Variants in SLC30A9 observed in about 807,000 individuals in gnomAD.
The protein encoded by SLC30A9 is proton-coupled zinc antiporter SLC30A9, mitochondrial.
SLC30A9 carries 58 observed loss-of-function variants against 87.5 expected under a neutral mutation model. That is an observed-to-expected ratio of 0.66 (90% confidence interval 0.54 to 0.82). The LOEUF (loss-of-function observed/expected upper bound fraction) is 0.82, where lower values mean the gene tolerates loss of function less well. SLC30A9 is among the 40% of genes least tolerant of loss of function. SLC30A9 has a pLI of 0.00. For missense variants in SLC30A9, 557 were observed against 679.1 expected (o/e 0.82, Z 2.00); for synonymous variants, 234 against 233.0 (o/e 1.00, Z -0.04).
At chr4:41,995,999 T>C (rs763285290) in intron 1 of SLC30A9, among the ~76,000 whole-genome samples, 8 of 151,980 alleles carry the variant, frequency 5.3e-5, no homozygotes, top group Non-Finnish European at 1.2e-4. Context: ...TGTGAGCCAC[T>C]GCGCCTGGCC....
Position 42,086,127 on chromosome 4 carries a change from GTT to G in SLC30A9, c.*3_*4del. 1 of 1,514,950 alleles carries G rather than the reference GTT, an allele frequency of 6.6e-7. No individual in the cohort carries two copies. The highest frequency in any genetic ancestry group is 9.0e-7 in the Non-Finnish European group (1 of 1,117,276). The allele number at this position is 1,514,950 out of a possible 1,614,324, so 93.8% of individuals were successfully genotyped here. A position where few individuals can be genotyped will look rare whatever the true frequency, so the allele number is the denominator to read the frequency against. On this transcript the variant is annotated 3_prime_UTR_variant, in exon 18 of 18. Transcript: ENST00000264451. ...ACATGTAGATTTGGAGATACTGTGA[GTT>G]TGATGGAATGAATCACCTGGGTGGG...
In SLC30A9 at chr4:42,070,567, A is replaced by G. The variant is rs1290373466; in HGVS notation, c.1294A>G (p.Thr432Ala). Reference protein sequence around the residue: ...YDSLGSLGVGTLLGMVSAFLI... With the variant: ...YDSLGSLGVGALLGMVSAFLI... ...CAGCCTAGGTTCTTTGGGTGTGGGC[A>G]CCTTATTAGGCATGGTCTCAGCATT... Residue 432 changes from threonine to alanine, a missense_variant, in exon 15 of 18, where the codon ACC becomes GCC. Coordinates refer to ENST00000264451, the MANE Select transcript of SLC30A9 (RefSeq NM_006345.4). 3 of 1,613,712 alleles carry G rather than the reference A, an allele frequency of 1.9e-6. No homozygotes were observed. The highest frequency in any genetic ancestry group is 2.5e-6 in the Non-Finnish European group (3 of 1,179,880).
At chr4:42,041,958 C>T (rs946572875) in intron 8 of SLC30A9, among the ~76,000 whole-genome samples, 8 of 152,076 alleles carry the variant, frequency 5.3e-5, no homozygotes, top group East Asian at 1.9e-4. Context: ...TGCAAGGGGT[C>T]GGGGAACTCC....
chr4:42,020,287 G>A (rs772528571), intron 3 of SLC30A9, 129 bp from the exon 4 acceptor site: 18 of 544,106 alleles, frequency 3.3e-5, no homozygotes, highest in Non-Finnish European at 5.5e-5. Context: ...TTTCTCTGAT[G>A]TCATTCAGTG....
chr4:42,067,645 C>T (rs774667164), intron 14 of SLC30A9, among the ~76,000 whole-genome samples: 3 of 152,100 alleles, frequency 2.0e-5, no homozygotes, highest in Non-Finnish European at 2.9e-5. Flanking sequence ...AACATTGTTG[C>T]GAAAAATATC....
rs1388667781 is a variant in SLC30A9, at chr4:42,029,166, C to T, written c.610+5782C>T. 8.2e-6 allele frequency: 3 copies of T among 365,486 alleles called. No individual in the cohort carries two copies. The East Asian group carries it at 2.1e-4, about 26-fold the overall frequency. The allele number at this position is 365,486 out of a possible 1,614,324, so 22.6% of individuals were successfully genotyped here. A position where few individuals can be genotyped will look rare whatever the true frequency, so the allele number is the denominator to read the frequency against. ...AGAACACGAGGGCGTGCCCCGAAGC[C>T]ACCCACCCTTCCGACTGCGGCAGCT... On this transcript the variant is annotated intron_variant, in intron 6 of 17. Transcript: ENST00000264451.
chr4:42,074,712 C>T (rs534917976), intron 15 of SLC30A9, among the ~76,000 whole-genome samples: 1 of 152,084 alleles, frequency 6.6e-6, no homozygotes, highest in South Asian at 2.1e-4. Flanking sequence ...TTATGAAAGC[C>T]ATCCATTAAA....
chr4:42,049,490 A>C lies in SLC30A9; in HGVS notation c.840+11A>C. On this transcript the variant is annotated intron_variant, in intron 9 of 17. Coordinates refer to ENST00000264451, the MANE Select transcript of SLC30A9 (RefSeq NM_006345.4). ...GATACTTGTAATCAGGTGAGGACTA[A>C]AGCTTTTTTTATAAGTCAATTTTAA... 1 of 1,416,122 alleles carries C rather than the reference A, an allele frequency of 7.1e-7. No individual in the cohort carries two copies. Among genetic ancestry groups the C allele is most frequent in the Middle Eastern group, 1.9e-4 (1 of 5,238 alleles). The allele number at this position is 1,416,122 out of a possible 1,614,324, so 87.7% of individuals were successfully genotyped here. A position where few individuals can be genotyped will look rare whatever the true frequency, so the allele number is the denominator to read the frequency against.
intron 6 of SLC30A9, chr4:42,030,089 G>C (rs1716359411): frequency 1.1e-6 from 1 of 874,656 alleles, no homozygotes; most frequent in Admixed American, 2.8e-5. Flanking sequence ...GGTTTTCAGG[G>C]ATCCTTTGAT....
intron 5 of SLC30A9, 48 bp downstream of exon 5, chr4:42,022,978 T>C: frequency 9.4e-7 from 1 of 1,066,222 alleles, no homozygotes; most frequent in Non-Finnish European, 1.4e-6. Flanking sequence ...AAATTTTGGA[T>C]TAATAAAAAT....
intron 6 of SLC30A9, among the ~76,000 whole-genome samples, chr4:42,033,296 A>G (rs1205743912): frequency 1.3e-5 from 2 of 151,844 alleles, no homozygotes; most frequent in Admixed American, 1.3e-4. Flanking sequence ...TCTCTCTTGT[A>G]TAAGTAACTG....
intron 7 of SLC30A9, 35 bp from the exon 8 acceptor site, chr4:42,038,951 T>A: frequency 1.9e-6 from 3 of 1,554,746 alleles, no homozygotes; most frequent in Non-Finnish European, 2.7e-6. Flanking sequence ...TGCAAAATTT[T>A]GGAGGTATTA....
At chr4:42,044,822 ACTC>A (rs1324956645) in intron 8 of SLC30A9, among the ~76,000 whole-genome samples, 1 of 152,028 alleles carries the variant, frequency 6.6e-6, no homozygotes, top group Non-Finnish European at 1.5e-5. Flanking sequence ...GATGTAAAAC[ACTC>A]CTCAGCAAAT....
intron 4 of SLC30A9, among the ~76,000 whole-genome samples, chr4:42,021,758 GT>G (rs905566058): frequency 6.7e-6 from 1 of 149,478 alleles, no homozygotes. Context: ...TTTTTTGTTT[GT>G]TTTTTTTTGA....
chr4:42,037,346 G>A (rs1235637436), intron 7 of SLC30A9, among the ~76,000 whole-genome samples: 2 of 132,990 alleles, frequency 1.5e-5, no homozygotes, highest in Non-Finnish European at 3.1e-5. Flanking sequence ...TGAGATATAT[G>A]AAATCACAGT....
At chr4:42,024,047 G>A (rs926093449) in intron 6 of SLC30A9, among the ~76,000 whole-genome samples, 5 of 152,180 alleles carry the variant, frequency 3.3e-5, no homozygotes, top group Admixed American at 6.5e-5. Flanking sequence ...TGAGATTTGG[G>A]TGGGGACACA....
intron 2 of SLC30A9, among the ~76,000 whole-genome samples, chr4:42,005,132 C>T (rs2153133371): frequency 6.6e-6 from 1 of 152,176 alleles, no homozygotes; most frequent in South Asian, 2.1e-4. Flanking sequence ...GACTTTTCTT[C>T]CCTTTTTTGC....
intron 6 of SLC30A9, among the ~76,000 whole-genome samples, chr4:42,033,517 G>A (rs75038671): frequency 0.041 from 6,275 of 151,952 alleles, 209 homozygotes; most frequent in African/African-American, 0.093. Context: ...TTAAAAAAAC[G>A]TACACATTTG....
intron 8 of SLC30A9, among the ~76,000 whole-genome samples, chr4:42,047,520 C>T (rs1041042240): frequency 7.2e-5 from 11 of 152,170 alleles, no homozygotes; most frequent in African/African-American, 2.4e-4. Flanking sequence ...AAATCGAAAC[C>T]ACAATGAGAT....
Sources: gnomAD v4.1 joint callset for allele counts (sites outside exome capture counted in the v4.1 genomes callset) on GRCh38, gnomAD v4.1.1 for gene constraint, MANE v1.5 for transcripts, NCBI Gene and HGNC (gene_info 2026-07-23, HGNC 2026-07-21) for gene names.